Variants in RBKS observed in about 807,000 individuals in gnomAD.
RBKS encodes the protein ribokinase.
In RBKS, 33 loss-of-function variants were observed where a neutral mutation model predicts 33.9. The ratio of observed to expected loss-of-function variants is 0.97; its 90% confidence interval spans 0.74 to 1.30. The LOEUF (loss-of-function observed/expected upper bound fraction) is 1.30, where lower values mean the gene tolerates loss of function less well. Ranked by LOEUF, RBKS falls within the 50% of genes most tolerant of loss-of-function variation. The pLI is 0.00. For missense variants in RBKS, 361 were observed against 392.6 expected, an observed-to-expected ratio of 0.92 and a Z score of 0.68; for synonymous variants, 125 against 143.0, an observed-to-expected ratio of 0.87 and a Z score of 0.90.
At chr2:27,846,346 C>T (rs1663619723) in intron 4 of RBKS, among the ~76,000 whole-genome samples, 1 of 152,208 alleles carries the variant, frequency 6.6e-6, no homozygotes, top group Admixed American at 6.5e-5. Context: ...CTCTGTCACG[C>T]AGGCTGAAGT....
intron 1 of RBKS, chr2:27,861,663 T>TGGA (rs748284115): frequency 6.4e-6 from 2 of 313,212 alleles, no homozygotes; most frequent in Admixed American, 7.5e-5. Flanking sequence ...CATTTCTTTT[T>TGGA]GGGGGGGGGG....
chr2:27,887,911 T>G (rs1340726036), intron 1 of RBKS, among the ~76,000 whole-genome samples: 2 of 152,100 alleles, frequency 1.3e-5, no homozygotes, highest in Non-Finnish European at 2.9e-5. Flanking sequence ...AATTTCCAAA[T>G]TTTTCTAGCT....
At chr2:27,821,040 C>CA (rs59964452) in intron 7 of RBKS, among the ~76,000 whole-genome samples, 6,540 of 67,330 alleles carry the variant, frequency 0.097, 602 homozygotes, top group African/African-American at 0.22. Context: ...AACTCCATCT[C>CA]AAAAAAAAAA....
rs200214528 is a variant in RBKS, at chr2:27,832,788, A to G, written c.515-11T>C. 7.1e-6 allele frequency: 11 copies of G among 1,539,366 alleles called. No homozygotes were observed. The Admixed American group carries it at 1.8e-4, about 26-fold the overall frequency. On this transcript the variant is annotated splice_polypyrimidine_tract_variant and intron_variant, in intron 5 of 7. Coordinates refer to ENST00000302188, the MANE Select transcript of RBKS (RefSeq NM_022128.3). The stretch of plus-strand genomic sequence containing the variant: ...TGAACAAGGTTTTCACTACAAAGGA[A>G]TGGAAAAGGGGGTTATTATTAGTTT...
In RBKS at chr2:27,781,572, T is replaced by C; in HGVS notation, c.*43A>G. Reference sequence around the variant, plus strand: ...TTAGCCAGGAGCAGCCACCCCCAAGTACATTTTATTCCCAGGTATATTTAT... The same window carrying C: ...TTAGCCAGGAGCAGCCACCCCCAAGCACATTTTATTCCCAGGTATATTTAT... On this transcript the variant is annotated 3_prime_UTR_variant, in exon 8 of 8. Coordinates refer to ENST00000302188, the MANE Select transcript of RBKS (RefSeq NM_022128.3). The C allele has an allele frequency of 1.3e-6, 2 of 1,518,256 alleles. No homozygotes were observed. Among genetic ancestry groups the C allele is most frequent in the Non-Finnish European group, 1.8e-6 (2 of 1,120,284 alleles). 94.0% of individuals were successfully genotyped at this position (1,518,256 alleles called of 1,614,324 possible).
chr2:27,890,093 C>G lies in RBKS; in HGVS notation c.89+164G>C. ...TTACCTTTATATACTCAAGTTCTTT[C>G]ATGCCAGGAAGGTAGGCTGAAGGCT... On this transcript the variant is annotated intron_variant, in intron 1 of 7. Transcript: ENST00000302188. The surrounding 1 kb of genome is among the most constrained non-coding windows in gnomAD (Gnocchi z 4.8). 2 of 605,354 alleles carry G rather than the reference C, an allele frequency of 3.3e-6. No individual in the cohort carries two copies. The highest frequency in any genetic ancestry group is 5.8e-6 in the Non-Finnish European group (2 of 343,776). 37.5% of individuals were successfully genotyped at this position (605,354 alleles called of 1,614,324 possible).
chr2:27,880,035 A>C (rs1664388560), intron 1 of RBKS, among the ~76,000 whole-genome samples: 1 of 152,000 alleles, frequency 6.6e-6, no homozygotes, highest in African/African-American at 2.4e-5. Context: ...AAAGAAAAAA[A>C]GAAAATTGAA....
intron 7 of RBKS, among the ~76,000 whole-genome samples, chr2:27,803,878 C>T (rs957722153): frequency 6.6e-6 from 1 of 151,976 alleles, no homozygotes; most frequent in Non-Finnish European, 1.5e-5. Flanking sequence ...AAAACCCCAT[C>T]TACACATAAA....
At chr2:27,834,555 GTC>G (rs1282805271) in intron 5 of RBKS, among the ~76,000 whole-genome samples, 1 of 152,144 alleles carries the variant, frequency 6.6e-6, no homozygotes, top group Non-Finnish European at 1.5e-5. Flanking sequence ...CCTGGCAACA[GTC>G]TCTCTCATTG....
rs1677959994 is a variant in RBKS, at chr2:27,809,890, T to C, written c.795+17677A>G. Reference sequence around the variant, plus strand: ...GCACAAAATTTTGAGTAATTAGTCATTGCACAATGTTGTATTTATATTCAT... The same window carrying C: ...GCACAAAATTTTGAGTAATTAGTCACTGCACAATGTTGTATTTATATTCAT... On this transcript the variant is annotated intron_variant, in intron 7 of 7. Coordinates refer to ENST00000302188, the MANE Select transcript of RBKS (RefSeq NM_022128.3). 1.1e-5 allele frequency: 14 copies of C among 1,284,078 alleles called. No individual in the cohort carries two copies. In the Admixed American group the frequency reaches 1.2e-4, roughly 11 times the overall value. 79.5% of individuals were successfully genotyped at this position (1,284,078 alleles called of 1,614,324 possible). A position where few individuals can be genotyped will look rare whatever the true frequency, so the allele number is the denominator to read the frequency against.
chr2:27,809,936 C>A (rs1234153996), intron 7 of RBKS: 1 of 1,303,290 alleles, frequency 7.7e-7, no homozygotes, highest in Non-Finnish European at 1.0e-6. Context: ...GCTGTTAGGC[C>A]ACAAAATCAG....
intron 1 of RBKS, among the ~76,000 whole-genome samples, chr2:27,860,614 A>C (rs2148220496): frequency 6.6e-6 from 1 of 152,288 alleles, no homozygotes; most frequent in South Asian, 2.1e-4. Context: ...ATGTGGGGGA[A>C]GGGCAAAATC....
At chr2:27,836,437 A>G (rs1287991650) in intron 5 of RBKS, among the ~76,000 whole-genome samples, 1 of 152,212 alleles carries the variant, frequency 6.6e-6, no homozygotes, top group African/African-American at 2.4e-5. Context: ...ATACCTGGCT[A>G]GCCATATGCA....
Position 27,781,499 on chromosome 2 carries a change from G to T in RBKS, c.*116C>A, listed in dbSNP as rs1558530104. ...GAAGCTTGAGGATGACTTCGTAAAA[G>T]AACTAATATTTGCAAAGAAAGGGGA... is the stretch of plus-strand genomic sequence containing the variant. On this transcript the variant is annotated 3_prime_UTR_variant, in exon 8 of 8. Coordinates refer to ENST00000302188, the MANE Select transcript of RBKS (RefSeq NM_022128.3). 4 of 780,096 alleles carry T rather than the reference G, an allele frequency of 5.1e-6. No individual in the cohort carries two copies. The highest frequency in any genetic ancestry group is 2.8e-5 in the Admixed American group (1 of 35,242). 48.3% of individuals were successfully genotyped at this position (780,096 alleles called of 1,614,324 possible).
intron 1 of RBKS, chr2:27,870,974 C>T: frequency 2.3e-6 from 1 of 437,914 alleles, no homozygotes; most frequent in Non-Finnish European, 4.7e-6. Context: ...ATCACAGTGA[C>T]TCATTAATCC....
At chr2:27,835,230 C>G (rs1043539182) in intron 5 of RBKS, among the ~76,000 whole-genome samples, 8 of 148,926 alleles carry the variant, frequency 5.4e-5, no homozygotes, top group African/African-American at 1.7e-4. Flanking sequence ...GAGCTGAGAT[C>G]GCGTCATTGC....
At chr2:27,826,413 C>CT (rs1269916189) in intron 7 of RBKS, among the ~76,000 whole-genome samples, 1,763 of 142,730 alleles carry the variant, frequency 0.012, 28 homozygotes, top group African/African-American at 0.034. Context: ...TTTTTCTTTT[C>CT]TTTTTTTTTT....
intron 1 of RBKS, among the ~76,000 whole-genome samples, chr2:27,880,897 C>T (rs1311673558): frequency 6.6e-6 from 1 of 152,058 alleles, no homozygotes; most frequent in Non-Finnish European, 1.5e-5. Flanking sequence ...ACATTCATCA[C>T]AGAACTAGAA....
chr2:27,884,056 G>A (rs994246705), intron 1 of RBKS, among the ~76,000 whole-genome samples: 2 of 152,102 alleles, frequency 1.3e-5, no homozygotes, highest in Non-Finnish European at 1.5e-5. Context: ...TATATTCCTC[G>A]AATACTGGGA....
Sources: gnomAD v4.1 joint callset for allele counts (sites outside exome capture counted in the v4.1 genomes callset) on GRCh38, gnomAD v4.1.1 for gene constraint, Gnocchi (gnomAD v3.1) non-coding constraint, MANE v1.5 for transcripts, NCBI Gene and HGNC (gene_info 2026-07-23, HGNC 2026-07-21) for gene names.